Variants in RMDN2 observed in about 807,000 individuals in gnomAD.
The protein encoded by RMDN2 is regulator of microtubule dynamics protein 2.
In RMDN2, 61 loss-of-function variants were observed where a neutral mutation model predicts 52.8. That is an observed-to-expected ratio of 1.16 (90% CI 0.94 to 1.43). The LOEUF (loss-of-function observed/expected upper bound fraction) is 1.43. Among genes scored for constraint, RMDN2 ranks in the 40% most tolerant of loss-of-function variants. The pLI, the probability that RMDN2 is intolerant of heterozygous loss-of-function variation, is 0.00. For missense variants in RMDN2, 592 were observed against 475.3 expected, an observed-to-expected ratio of 1.25 and a Z score of -2.28; for synonymous variants, 180 against 153.1, an observed-to-expected ratio of 1.18 and a Z score of -1.30.
intron 10 of RMDN2, among the ~76,000 whole-genome samples, chr2:38,060,715 C>G (rs1664208458): frequency 6.6e-6 from 1 of 152,120 alleles, no homozygotes. Context: ...GAGTGGTGCT[C>G]TCAAAGCTGA....
At chr2:38,065,130 G>T (rs1284088338) in intron 10 of RMDN2, among the ~76,000 whole-genome samples, 1 of 152,142 alleles carries the variant, frequency 6.6e-6, no homozygotes, top group East Asian at 1.9e-4. Flanking sequence ...AAAAAATGTG[G>T]TGGATAAGTA....
chr2:38,005,650 G>C (rs1471991731), intron 10 of RMDN2, among the ~76,000 whole-genome samples: 5 of 152,162 alleles, frequency 3.3e-5, no homozygotes, highest in African/African-American at 9.7e-5. Context: ...CATTCTGTAG[G>C]TTGCCGGTTC....
intron 2 of RMDN2, among the ~76,000 whole-genome samples, chr2:37,944,159 G>C (rs150499848): frequency 2.0e-5 from 3 of 152,192 alleles, no homozygotes; most frequent in African/African-American, 4.8e-5. Context: ...TTTAGTTTTA[G>C]TTTTCATAAC....
At chr2:37,945,460 C>G (rs1668145056) in intron 2 of RMDN2, among the ~76,000 whole-genome samples, 1 of 152,118 alleles carries the variant, frequency 6.6e-6, no homozygotes, top group African/African-American at 2.4e-5. Context: ...CTTGAAGTGT[C>G]CAACATCCAT....
intron 8 of RMDN2, among the ~76,000 whole-genome samples, chr2:38,002,548 T>C (rs905092144): frequency 6.6e-6 from 1 of 152,244 alleles, no homozygotes. Flanking sequence ...TTTGTGTTTT[T>C]CTAGCTTTAC....
intron 8 of RMDN2, among the ~76,000 whole-genome samples, chr2:38,002,169 A>G (rs1239004726): frequency 6.6e-6 from 1 of 152,168 alleles, no homozygotes; most frequent in Non-Finnish European, 1.5e-5. Flanking sequence ...GTGTTGGACC[A>G]CTTCTTAGCA....
chr2:37,956,385 G>A (rs999315176), intron 2 of RMDN2, among the ~76,000 whole-genome samples: 6 of 151,934 alleles, frequency 3.9e-5, no homozygotes, highest in African/African-American at 1.2e-4. Context: ...TATAAAATCA[G>A]TAATGTCCCC....
chr2:37,951,216 C>G (rs754382991), intron 2 of RMDN2: 1 of 1,534,918 alleles, frequency 6.5e-7, no homozygotes, highest in East Asian at 2.2e-5. Context: ...CTCATTTGAC[C>G]CTTTTCTCAC....
intron 10 of RMDN2, among the ~76,000 whole-genome samples, chr2:38,033,376 G>A (rs73926976): frequency 0.067 from 10,146 of 152,174 alleles, 367 homozygotes; most frequent in Middle Eastern, 0.11. Flanking sequence ...AAGTCAAGCA[G>A]ACTTGACTAG....
chr2:37,969,038 G>GTT (rs773240893), intron 2 of RMDN2, among the ~76,000 whole-genome samples: 2 of 136,122 alleles, frequency 1.5e-5, no homozygotes, highest in Admixed American at 7.3e-5. Context: ...CCACAGCTGG[G>GTT]TTTTTTTTTT....
intron 2 of RMDN2, among the ~76,000 whole-genome samples, chr2:37,932,653 C>T (rs1188984182): frequency 6.6e-6 from 1 of 150,716 alleles, no homozygotes; most frequent in Non-Finnish European, 1.5e-5. Context: ...GCAGAGGCGC[C>T]CCTCACCTCA....
chr2:37,948,982 C>T (rs1174555905), intron 2 of RMDN2, among the ~76,000 whole-genome samples: 3 of 152,040 alleles, frequency 2.0e-5, no homozygotes, highest in Non-Finnish European at 4.4e-5. Flanking sequence ...CAAGCTGGCC[C>T]AATTTTTCAA....
Position 38,006,784 on chromosome 2 carries a change from G to C in RMDN2, c.1179+2568G>C, listed in dbSNP as rs180696982. On this transcript the variant is annotated intron_variant, in intron 10 of 10. Coordinates refer to ENST00000354545, the MANE Select transcript of RMDN2 (RefSeq NM_001170791.3). ...GAGAGGGCATCCCTGTCTTGTGCCA[G>C]TTTTCAAAGGGAATGCTTCCAGTTT... Among the ~76,000 whole-genome samples the C allele has an allele frequency of 1.9e-3, 288 of 152,294 alleles. 4 individuals carry two copies. The East Asian group carries it at 0.047, about 25-fold the overall frequency.
chr2:37,965,434 T>G (rs989787824), intron 2 of RMDN2, among the ~76,000 whole-genome samples: 2 of 151,734 alleles, frequency 1.3e-5, no homozygotes, highest in African/African-American at 2.4e-5. Flanking sequence ...CATAGCATCC[T>G]AAAGTTATAA....
chr2:37,987,785 A>G (rs1241008710), intron 5 of RMDN2, among the ~76,000 whole-genome samples: 1 of 152,178 alleles, frequency 6.6e-6, no homozygotes, highest in African/African-American at 2.4e-5. Context: ...TTGGCCAGGC[A>G]CAGTGGCTCT....
At chr2:38,031,966 G>A (rs556379711) in intron 10 of RMDN2, among the ~76,000 whole-genome samples, 54 of 152,246 alleles carry the variant, frequency 3.5e-4, no homozygotes, top group African/African-American at 5.1e-4. Context: ...CAACAATGCC[G>A]CTGCCTATCA....
At position 38,017,075 on chromosome 2, in the gene RMDN2, A is replaced by G. The variant is rs1678902116; in HGVS notation, c.1180-111A>G. On this transcript the variant is annotated intron_variant, in intron 10 of 10. Transcript: ENST00000354545. ...GATTGCACGTACCCTCATGAACCTT[A>G]AAGTTCTCATGTTGGGGAATCTCCT... 1.8e-5 allele frequency: 9 copies of G among 509,256 alleles called. 1 individual carries two copies. In the East Asian group the frequency reaches 3.0e-4, roughly 17 times the overall value. The allele number at this position is 509,256 out of a possible 1,614,324, so 31.5% of individuals were successfully genotyped here. A position where few individuals can be genotyped will look rare whatever the true frequency, so the allele number is the denominator to read the frequency against.
At chr2:37,984,497 G>T (rs1678454947) in intron 5 of RMDN2, among the ~76,000 whole-genome samples, 1 of 152,194 alleles carries the variant, frequency 6.6e-6, no homozygotes, top group Non-Finnish European at 1.5e-5. Flanking sequence ...TGTGTGTATT[G>T]ATTAGTAATC....
intron 2 of RMDN2, among the ~76,000 whole-genome samples, chr2:37,964,122 C>T (rs1670705042): frequency 6.6e-6 from 1 of 151,746 alleles, no homozygotes; most frequent in East Asian, 1.9e-4. Flanking sequence ...GATGGAGGGG[C>T]TCCTCACTTC....
Sources: allele counts gnomAD v4.1 joint callset (sites outside exome capture counted in the v4.1 genomes callset), GRCh38; gene constraint gnomAD v4.1.1; transcripts MANE v1.5; gene names NCBI Gene and HGNC (gene_info 2026-07-23, HGNC 2026-07-21).